Variants in SLC15A4 observed in about 807,000 individuals in gnomAD.
The protein encoded by SLC15A4 is hPHT1.
A neutral mutation model predicts 46.1 loss-of-function variants in SLC15A4; 26 were observed. That is an observed-to-expected ratio of 0.56 (90% confidence interval 0.41 to 0.78). The LOEUF (loss-of-function observed/expected upper bound fraction) is 0.78, where lower values mean the gene tolerates loss of function less well. Among genes scored for constraint, SLC15A4 ranks in the 30% least tolerant of loss-of-function variants. The pLI is 0.00. For missense variants in SLC15A4, 751 were observed against 755.7 expected (o/e 0.99, Z 0.07); for synonymous variants, 370 against 333.4 (o/e 1.11, Z -1.20).
At chr12:128,821,011 C>T (rs1215489487) in intron 1 of SLC15A4, among the ~76,000 whole-genome samples, 1 of 152,110 alleles carries the variant, frequency 6.6e-6, no homozygotes, top group African/African-American at 2.4e-5. Context: ...AAGCCTGGCA[C>T]CTCCCTCCCC....
At position 128,799,424 on chromosome 12, in the gene SLC15A4, A is replaced by C. The variant is rs1247099867; in HGVS notation, c.1415-7T>G. 6.2e-7 allele frequency: 1 copy of C among 1,613,842 alleles called. No individual in the cohort carries two copies. Among genetic ancestry groups the C allele is most frequent in the Non-Finnish European group, 8.5e-7 (1 of 1,179,948 alleles). Reference sequence around the variant, plus strand: ...GAGTATGCAAATTCCAGGCCTGAGGAAAGAAAAGGGAGGGTCGTTTTTGTG... The same window carrying C: ...GAGTATGCAAATTCCAGGCCTGAGGCAAGAAAAGGGAGGGTCGTTTTTGTG... On this transcript the variant is annotated splice_polypyrimidine_tract_variant and splice_region_variant and intron_variant, in intron 6 of 7. Coordinates refer to ENST00000266771, the MANE Select transcript of SLC15A4 (RefSeq NM_145648.4).
intron 3 of SLC15A4, 94 bp from the exon 4 acceptor site, chr12:128,809,567 G>A (rs770385301): frequency 3.5e-5 from 25 of 711,706 alleles, no homozygotes; most frequent in Admixed American, 5.4e-5. Flanking sequence ...ACTCAGATGC[G>A]ACACACAGTG....
In SLC15A4 at chr12:128,797,215, G is replaced by T. The variant is rs918076607; in HGVS notation, c.1573+2044C>A. 9.2e-5 allele frequency among the ~76,000 whole-genome samples: 14 copies of T among 152,186 alleles called. No individual in the cohort carries two copies. In the South Asian group the frequency reaches 2.9e-3, roughly 32 times the overall value. Reference sequence around the variant, plus strand: ...CACTGCCAACATCTGGGCACCCACCGACAACAGCATGGATAAATGCCTCGT... The same window carrying T: ...CACTGCCAACATCTGGGCACCCACCTACAACAGCATGGATAAATGCCTCGT... On this transcript the variant is annotated intron_variant, in intron 7 of 7. Coordinates refer to ENST00000266771, the MANE Select transcript of SLC15A4 (RefSeq NM_145648.4).
At chr12:128,803,706 C>T (rs1047124773) in intron 5 of SLC15A4, among the ~76,000 whole-genome samples, 3 of 150,512 alleles carry the variant, frequency 2.0e-5, no homozygotes, top group South Asian at 2.1e-4. Context: ...AACAGGTAGA[C>T]GAAAAAAAAA....
At chr12:128,809,169 A>T in intron 4 of SLC15A4, 1 of 604,538 alleles carries the variant, frequency 1.7e-6, no homozygotes, top group Non-Finnish European at 2.8e-6. Context: ...GAAAATAATC[A>T]GGTGAAAAAT....
At position 128,814,774 on chromosome 12, in the gene SLC15A4, C is replaced by G. The variant is rs1643740892; in HGVS notation, c.842+1G>C. On this transcript the variant is annotated splice_donor_variant, in intron 2 of 7. Coordinates refer to ENST00000266771, the MANE Select transcript of SLC15A4 (RefSeq NM_145648.4). LOFTEE classifies it high-confidence loss of function. ...GCCCAAGATGAGAACTAAGTGCTTA[C>G]CCATTACTCTGGCGCTCTCCACTTC... The G allele has an allele frequency of 6.2e-7, 1 of 1,613,118 alleles. No individual in the cohort carries two copies. Among genetic ancestry groups the G allele is most frequent in the Admixed American group, 1.7e-5 (1 of 59,996 alleles).
At chr12:128,812,916 A>C (rs1300815266) in intron 2 of SLC15A4, among the ~76,000 whole-genome samples, 4 of 152,154 alleles carry the variant, frequency 2.6e-5, no homozygotes, top group African/African-American at 9.7e-5. Context: ...TTGCCCAAGA[A>C]GACTTTCAAA....
At chr12:128,795,940 C>A (rs1427044223) in intron 7 of SLC15A4, among the ~76,000 whole-genome samples, 2 of 152,220 alleles carry the variant, frequency 1.3e-5, no homozygotes, top group Non-Finnish European at 1.5e-5. Context: ...ACGAGGGGAG[C>A]GAGTGCTCTG....
chr12:128,795,526 G>A (rs1955433250), intron 7 of SLC15A4, among the ~76,000 whole-genome samples: 2 of 152,176 alleles, frequency 1.3e-5, no homozygotes, highest in Non-Finnish European at 1.5e-5. Flanking sequence ...AAAGCGCCGA[G>A]GAGCAGCATT....
At chr12:128,822,997 G>A (rs764732545) in intron 1 of SLC15A4, among the ~76,000 whole-genome samples, 1 of 152,028 alleles carries the variant, frequency 6.6e-6, no homozygotes, top group Non-Finnish European at 1.5e-5. Flanking sequence ...CGCCTCCACG[G>A]AGGGCAAATT....
At chr12:128,802,588 G>A (rs1955529612) in intron 5 of SLC15A4, among the ~76,000 whole-genome samples, 1 of 152,170 alleles carries the variant, frequency 6.6e-6, no homozygotes, top group Admixed American at 6.5e-5. Flanking sequence ...TGTCTGCAGG[G>A]GGCGGGACAA....
chr12:128,799,544 A>G, intron 6 of SLC15A4, 127 bp from the exon 7 acceptor site: 2 of 951,722 alleles, frequency 2.1e-6, no homozygotes, highest in South Asian at 3.4e-5. Context: ...AGACAGGCAC[A>G]ACCTCTTTTC....
chr12:128,814,690 G>T, intron 2 of SLC15A4, 85 bp downstream of exon 2: 1 of 1,410,272 alleles, frequency 7.1e-7, no homozygotes. Flanking sequence ...CACACAATAA[G>T]CACACAACAA....
chr12:128,823,754 CGTTCA>C lies in SLC15A4; in HGVS notation c.185_189del (p.Leu62ArgfsTer121). ...GCGCCCTCCCAGCAGAACGGCGCCC[CGTTCA>C]GGAATAGCACCAGGTTGGACGTGAT... On this transcript the variant is annotated frameshift_variant, in exon 1 of 8. Coordinates refer to ENST00000266771, the MANE Select transcript of SLC15A4 (RefSeq NM_145648.4). LOFTEE classifies it high-confidence loss of function. The C allele has an allele frequency of 6.5e-7, 1 of 1,539,226 alleles. No homozygotes were observed. Among genetic ancestry groups the C allele is most frequent in the Non-Finnish European group, 8.7e-7 (1 of 1,151,506 alleles).
intron 1 of SLC15A4, among the ~76,000 whole-genome samples, chr12:128,818,895 C>A (rs893483980): frequency 1.1e-4 from 16 of 152,212 alleles, no homozygotes; most frequent in African/African-American, 3.9e-4. Flanking sequence ...TTCCTTCATG[C>A]AGCCGAATGT....
intron 5 of SLC15A4, among the ~76,000 whole-genome samples, chr12:128,802,913 G>C: frequency 6.6e-6 from 1 of 152,208 alleles, no homozygotes; most frequent in East Asian, 1.9e-4. Flanking sequence ...CGGAAACCAG[G>C]ATCGGGACGG....
chr12:128,795,870 C>G (rs1000837906), intron 7 of SLC15A4, among the ~76,000 whole-genome samples: 1 of 152,256 alleles, frequency 6.6e-6, no homozygotes, highest in Non-Finnish European at 1.5e-5. Context: ...CTGCCACCAG[C>G]TGGAAAGCAC....
At chr12:128,808,707 C>T (rs1010830587) in intron 5 of SLC15A4, 81 bp downstream of exon 5, 43 of 1,450,616 alleles carry the variant, frequency 3.0e-5, no homozygotes, top group Admixed American at 1.0e-4. Flanking sequence ...ACCTGGGGCA[C>T]GACTGCGTGT....
At chr12:128,796,558 A>G (rs1955446970) in intron 7 of SLC15A4, among the ~76,000 whole-genome samples, 1 of 152,116 alleles carries the variant, frequency 6.6e-6, no homozygotes, top group South Asian at 2.1e-4. Flanking sequence ...TTAGAAAGAC[A>G]GCTGCTAATA....
Sources: allele counts gnomAD v4.1 joint callset (sites outside exome capture counted in the v4.1 genomes callset), GRCh38; gene constraint gnomAD v4.1.1; transcripts MANE v1.5; gene names NCBI Gene and HGNC (gene_info 2026-07-23, HGNC 2026-07-21).